AGBL4: variants seen among roughly 807,000 people sequenced by gnomAD.
The protein encoded by AGBL4 is cytosolic carboxypeptidase 6.
In AGBL4, 58 loss-of-function variants were observed where a neutral mutation model predicts 66.4. The ratio of observed to expected loss-of-function variants is 0.87; its 90% confidence interval spans 0.71 to 1.09. The LOEUF (loss-of-function observed/expected upper bound fraction) is 1.09. Ranked by LOEUF, AGBL4 falls within the 50% of genes least tolerant of loss-of-function variation. The pLI, the probability that AGBL4 is intolerant of heterozygous loss-of-function variation, is 0.00. For missense variants in AGBL4, 579 were observed against 631.0 expected (o/e 0.92, Z 0.88); for synonymous variants, 234 against 222.9 (o/e 1.05, Z -0.44).
chr1:48,853,741 C>T (rs1455915886), intron 6 of AGBL4, among the ~76,000 whole-genome samples: 3 of 152,128 alleles, frequency 2.0e-5, no homozygotes, highest in African/African-American at 7.2e-5. Context: ...TGAGGTCTGT[C>T]TACCTCATGG....
At chr1:49,040,772 G>A (rs1643918047) in intron 5 of AGBL4, among the ~76,000 whole-genome samples, 1 of 152,048 alleles carries the variant, frequency 6.6e-6, no homozygotes, top group South Asian at 2.1e-4. Flanking sequence ...ACCTGCGACT[G>A]GGACTGGAAG....
chr1:48,936,379 C>G (rs1458659498), intron 5 of AGBL4, among the ~76,000 whole-genome samples: 1 of 152,122 alleles, frequency 6.6e-6, no homozygotes, highest in Non-Finnish European at 1.5e-5. Flanking sequence ...TGGAAAGCCA[C>G]CCTCTATGAT....
chr1:49,133,106 G>C (rs867855903), intron 4 of AGBL4, among the ~76,000 whole-genome samples: 2 of 152,276 alleles, frequency 1.3e-5, no homozygotes, highest in African/African-American at 4.8e-5. Flanking sequence ...GATGAAGCTA[G>C]AAACCATCAT....
chr1:48,763,505 A>G (rs1644380025), intron 6 of AGBL4, among the ~76,000 whole-genome samples: 1 of 152,002 alleles, frequency 6.6e-6, no homozygotes, highest in African/African-American at 2.4e-5. Context: ...AAAAAAACAG[A>G]CAAAAAGAGA....
At chr1:49,703,243 T>A (rs183822878) in intron 2 of AGBL4, among the ~76,000 whole-genome samples, 269 of 151,300 alleles carry the variant, frequency 1.8e-3, no homozygotes, top group Non-Finnish European at 3.2e-3. Flanking sequence ...TTCAGTAAAG[T>A]TTCAGAATAA....
intron 11 of AGBL4, among the ~76,000 whole-genome samples, chr1:48,549,938 C>G (rs553541156): frequency 6.6e-6 from 1 of 152,160 alleles, no homozygotes; most frequent in South Asian, 2.1e-4. Context: ...GAGACAGGAA[C>G]AGTGAGAGAG....
chr1:49,303,646 T>C (rs80057524), intron 3 of AGBL4, among the ~76,000 whole-genome samples: 1 of 151,936 alleles, frequency 6.6e-6, no homozygotes, highest in Non-Finnish European at 1.5e-5. Context: ...TCTTTTTTTT[T>C]CTTTTTTTCA....
chr1:48,664,574 C>T (rs1340614159), intron 6 of AGBL4, among the ~76,000 whole-genome samples: 1 of 152,084 alleles, frequency 6.6e-6, no homozygotes, highest in African/African-American at 2.4e-5. Context: ...TAAAGGAAGG[C>T]AACAAAATCC....
At chr1:48,649,650 T>C (rs190726753) in intron 8 of AGBL4, among the ~76,000 whole-genome samples, 1 of 152,326 alleles carries the variant, frequency 6.6e-6, no homozygotes, top group Admixed American at 6.5e-5. Flanking sequence ...GAGTGTACTT[T>C]CTTCAGTTCA....
intron 1 of AGBL4, among the ~76,000 whole-genome samples, chr1:49,996,413 C>A (rs183089483): frequency 1.2e-3 from 182 of 152,040 alleles, no homozygotes; most frequent in African/African-American, 4.3e-3. Context: ...TAGAGAAATG[C>A]AAAATACATT....
intron 3 of AGBL4, among the ~76,000 whole-genome samples, chr1:49,518,467 T>C (rs1650007920): frequency 6.6e-6 from 1 of 151,498 alleles, no homozygotes; most frequent in Non-Finnish European, 1.5e-5. Context: ...GTACCATGAG[T>C]TTGTAATCTA....
chr1:49,931,038 T>C (rs1653295818), intron 1 of AGBL4, among the ~76,000 whole-genome samples: 1 of 152,070 alleles, frequency 6.6e-6, no homozygotes, highest in African/African-American at 2.4e-5. Context: ...CCACTAGAAA[T>C]AATTAATGAG....
At chr1:49,616,673 C>G (rs1645255071) in intron 3 of AGBL4, among the ~76,000 whole-genome samples, 1 of 152,184 alleles carries the variant, frequency 6.6e-6, no homozygotes, top group Admixed American at 6.6e-5. Context: ...GTATCCCAAA[C>G]TAGACATATC....
chr1:49,878,267 G>C (rs1178584107), intron 1 of AGBL4, among the ~76,000 whole-genome samples: 6 of 149,248 alleles, frequency 4.0e-5, no homozygotes, highest in African/African-American at 1.5e-4. Context: ...GTCAATTTTG[G>C]ATCTTTCCTG....
chr1:49,414,160 C>T (rs767061840), intron 3 of AGBL4, among the ~76,000 whole-genome samples: 2 of 151,860 alleles, frequency 1.3e-5, no homozygotes, highest in Non-Finnish European at 2.9e-5. Flanking sequence ...TGTATACATA[C>T]GTATATATTT....
intron 3 of AGBL4, among the ~76,000 whole-genome samples, chr1:49,666,550 AGT>A (rs1009081520): frequency 3.9e-5 from 6 of 152,092 alleles, no homozygotes; most frequent in Admixed American, 2.0e-4. Context: ...TGGAAGACAG[AGT>A]GAGACTCTGT....
Position 49,578,592 on chromosome 1 carries a change from T to C in AGBL4, c.282+118721A>G, listed in dbSNP as rs144165457. Among the ~76,000 whole-genome samples the C allele has an allele frequency of 6.7e-3, 1,023 of 152,350 alleles. 11 individuals are homozygous for C. Among genetic ancestry groups the C allele is most frequent in the Non-Finnish European group, 8.3e-3 (567 of 68,026 alleles). The stretch of plus-strand genomic sequence containing the variant: ...CGTATGCACTTGTACTAAGAAAATA[T>C]CTTCATTTTATTTCCTTTTTCCCTT... On this transcript the variant is annotated intron_variant, in intron 3 of 13. Transcript: ENST00000371839.
chr1:48,786,935 G>C (rs1431455925), intron 6 of AGBL4, among the ~76,000 whole-genome samples: 2 of 152,182 alleles, frequency 1.3e-5, no homozygotes, highest in African/African-American at 2.4e-5. Context: ...AATAAGAATA[G>C]AGATAATAGT....
At chr1:49,686,713 T>C (rs1272869711) in intron 3 of AGBL4, among the ~76,000 whole-genome samples, 1 of 152,182 alleles carries the variant, frequency 6.6e-6, no homozygotes, top group Non-Finnish European at 1.5e-5. Flanking sequence ...CAATAAGTAT[T>C]TATTGAATAT....
Sources: allele counts gnomAD v4.1 joint callset (sites outside exome capture counted in the v4.1 genomes callset), GRCh38; gene constraint gnomAD v4.1.1; transcripts MANE v1.5; gene names NCBI Gene and HGNC (gene_info 2026-07-23, HGNC 2026-07-21).